EGFR: variants seen among roughly 807,000 people sequenced by gnomAD.
EGFR encodes avian erythroblastic leukemia viral (v-erb-b) oncogene homolog.
In EGFR, 58 loss-of-function variants were observed where a neutral mutation model predicts 143.0. That is an observed-to-expected ratio of 0.41 (90% CI 0.33 to 0.50). The LOEUF (loss-of-function observed/expected upper bound fraction) is 0.50. EGFR is among the 20% of genes least tolerant of loss of function. The pLI, the probability that EGFR is intolerant of heterozygous loss-of-function variation, is 0.39. For synonymous variants in EGFR, 613 were observed against 594.4 expected, an observed-to-expected ratio of 1.03 and a Z score of -0.45; for missense variants, 1,307 against 1,579.0, an observed-to-expected ratio of 0.83 and a Z score of 2.92.
At chr7:55,141,506 A>G (rs1307587259) in intron 1 of EGFR, among the ~76,000 whole-genome samples, 1 of 152,178 alleles carries the variant, frequency 6.6e-6, no homozygotes, top group Non-Finnish European at 1.5e-5. Context: ...GGGTGGATCA[A>G]CATGGAGTGT....
chr7:55,197,513 C>G (rs1787667362), intron 22 of EGFR, among the ~76,000 whole-genome samples: 1 of 152,084 alleles, frequency 6.6e-6, no homozygotes, highest in East Asian at 1.9e-4. Flanking sequence ...TTTCTCTCAC[C>G]TGATTTATCT....
chr7:55,093,448 G>A (rs1030969062), intron 1 of EGFR, among the ~76,000 whole-genome samples: 11 of 152,170 alleles, frequency 7.2e-5, no homozygotes, highest in Non-Finnish European at 1.0e-4. Context: ...GCAATGAATG[G>A]CATGGTGACT....
At position 55,205,891 on chromosome 7, in the gene EGFR, TATATTTGAA is replaced by T; in HGVS notation, c.*276_*284del. The T allele has an allele frequency of 2.1e-6, 1 of 483,896 alleles. No individual in the cohort carries two copies. The highest frequency in any genetic ancestry group is 2.6e-5 in the South Asian group (1 of 38,620). 30.0% of individuals were successfully genotyped at this position (483,896 alleles called of 1,614,324 possible). On this transcript the variant is annotated 3_prime_UTR_variant, in exon 28 of 28. Transcript: ENST00000275493. ...AGCAGAAATTTATCTTTCAAAGAGG[TATATTTGAA>T]AAAAAAAAAAAGTATATGTGAGGAT... is the stretch of plus-strand genomic sequence containing the variant.
intron 1 of EGFR, among the ~76,000 whole-genome samples, chr7:55,120,760 G>A (rs1335411569): frequency 6.6e-6 from 1 of 152,166 alleles, no homozygotes; most frequent in African/African-American, 2.4e-5. Flanking sequence ...GGAGTGGAGG[G>A]CATTCATCGG....
chr7:55,077,654 C>A (rs1790206736), intron 1 of EGFR, among the ~76,000 whole-genome samples: 1 of 152,162 alleles, frequency 6.6e-6, no homozygotes, highest in African/African-American at 2.4e-5. Context: ...CAGCTGCTTG[C>A]ACCGAAAGAC....
chr7:55,198,714 CAG>C lies in EGFR; in HGVS notation c.2702-2_2702-1del. On this transcript the variant is annotated splice_acceptor_variant, in intron 22 of 27. Coordinates refer to ENST00000275493, the MANE Select transcript of EGFR (RefSeq NM_005228.5). LOFTEE classifies it high-confidence loss of function. ...GCCTTCTTTTCTTGCTTCATCCTCT[CAG>C]GGGTGACTGTTTGGGAGTTGATGAC... 6.2e-7 allele frequency: 1 copy of C among 1,614,220 alleles called. No homozygotes were observed. Among genetic ancestry groups the C allele is most frequent in the South Asian group, 1.1e-5 (1 of 91,086 alleles).
intron 1 of EGFR, among the ~76,000 whole-genome samples, chr7:55,115,754 A>G (rs962262794): frequency 2.6e-5 from 4 of 152,198 alleles, no homozygotes; most frequent in Non-Finnish European, 5.9e-5. Flanking sequence ...AACTCAGCCA[A>G]TGCCGTCATA....
At chr7:55,092,991 C>T (rs78751728) in intron 1 of EGFR, among the ~76,000 whole-genome samples, 148 of 152,352 alleles carry the variant, frequency 9.7e-4, no homozygotes, top group African/African-American at 3.4e-3. Context: ...GGACAGAGTT[C>T]ATGTAATTGG....
At chr7:55,144,409 T>C (rs984505955) in intron 3 of EGFR, among the ~76,000 whole-genome samples, 2 of 152,250 alleles carry the variant, frequency 1.3e-5, no homozygotes, top group African/African-American at 2.4e-5. Context: ...AGGCCAGCTA[T>C]GGCCACCACT....
At chr7:55,166,397 G>A (rs764617475) in intron 15 of EGFR, 112 of 538,766 alleles carry the variant, frequency 2.1e-4, no homozygotes, top group Non-Finnish European at 3.6e-4. Context: ...GTGTGCCCTT[G>A]GGCAAGGGTC....
intron 13 of EGFR, among the ~76,000 whole-genome samples, chr7:55,162,863 TCA>T (rs1278214662): frequency 6.6e-6 from 1 of 152,204 alleles, no homozygotes; most frequent in Non-Finnish European, 1.5e-5. Context: ...TGATCTCAAC[TCA>T]CTGCAACCTC....
chr7:55,099,789 G>A (rs1197920729), intron 1 of EGFR, among the ~76,000 whole-genome samples: 2 of 151,588 alleles, frequency 1.3e-5, no homozygotes, highest in Non-Finnish European at 2.9e-5. Flanking sequence ...ATCACTTCCA[G>A]TGTCTTTTGC....
intron 2 of EGFR, among the ~76,000 whole-genome samples, 155 bp downstream of exon 2, chr7:55,142,592 T>G (rs1373393231): frequency 6.6e-6 from 1 of 152,246 alleles, no homozygotes; most frequent in Non-Finnish European, 1.5e-5. Flanking sequence ...AAAGCCATTT[T>G]ACCAGCTAAT....
intron 4 of EGFR, 22 bp from the exon 5 acceptor site, chr7:55,151,272 A>T (rs757885405): frequency 3.7e-6 from 6 of 1,613,426 alleles, no homozygotes; most frequent in Middle Eastern, 1.6e-4. Flanking sequence ...TGAGATATGC[A>T]TCTATTACTT....
chr7:55,023,275 T>A (rs1221543071), intron 1 of EGFR, among the ~76,000 whole-genome samples: 3 of 152,222 alleles, frequency 2.0e-5, no homozygotes, highest in Non-Finnish European at 4.4e-5. Context: ...GTTTTACTAA[T>A]AGGGGTATGT....
intron 15 of EGFR, chr7:55,170,694 C>A: frequency 6.4e-7 from 1 of 1,564,220 alleles, no homozygotes; most frequent in African/African-American, 1.3e-5. Flanking sequence ...CTAACCATCA[C>A]CCCCAGGACT....
intron 1 of EGFR, among the ~76,000 whole-genome samples, chr7:55,131,601 A>G (rs949734218): frequency 6.6e-6 from 1 of 152,106 alleles, no homozygotes; most frequent in Non-Finnish European, 1.5e-5. Context: ...GGCCCCTCGG[A>G]CACTCCCTCT....
At chr7:55,039,481 G>C (rs1219046973) in intron 1 of EGFR, among the ~76,000 whole-genome samples, 1 of 152,108 alleles carries the variant, frequency 6.6e-6, no homozygotes, top group Non-Finnish European at 1.5e-5. Flanking sequence ...AGAGAGAAGA[G>C]GGTTTGTGAT....
intron 16 of EGFR, among the ~76,000 whole-genome samples, chr7:55,172,092 C>T (rs1786377488): frequency 6.6e-6 from 1 of 152,204 alleles, no homozygotes; most frequent in Non-Finnish European, 1.5e-5. Context: ...CAGAACTTCC[C>T]CACTCCACAC....
Sources: gnomAD v4.1 joint callset for allele counts (sites outside exome capture counted in the v4.1 genomes callset) on GRCh38, gnomAD v4.1.1 for gene constraint, MANE v1.5 for transcripts, NCBI Gene and HGNC (gene_info 2026-07-23, HGNC 2026-07-21) for gene names.